SNTG1: variants seen among roughly 807,000 people sequenced by gnomAD.
The protein encoded by SNTG1 is gamma-1-syntrophin.
A neutral mutation model predicts 74.7 loss-of-function variants in SNTG1; 39 were observed. That is an observed-to-expected ratio of 0.52 (90% CI 0.40 to 0.68). The LOEUF is 0.68. Ranked by LOEUF, SNTG1 falls within the 30% of genes least tolerant of loss-of-function variation. SNTG1 has a pLI of 0.00. For missense variants in SNTG1, 685 were observed against 609.5 expected, an observed-to-expected ratio of 1.12 and a Z score of -1.30; for synonymous variants, 254 against 217.1, an observed-to-expected ratio of 1.17 and a Z score of -1.49.
In SNTG1 at chr8:50,120,489, C is replaced by T. The variant is rs1169532027; in HGVS notation, c.-102-52072C>T. On this transcript the variant is annotated intron_variant, in intron 1 of 18. Coordinates refer to ENST00000642720, the MANE Select transcript of SNTG1 (RefSeq NM_018967.5). ...TTACTACCATTACTACTGCCACTAA[C>T]ACTATCCAACATTACTGCAATCACC... 2.9e-5 allele frequency among the ~76,000 whole-genome samples: 4 copies of T among 140,296 alleles called. 1 individual carries two copies. Among genetic ancestry groups the T allele is most frequent in the African/African-American group, 5.2e-5 (2 of 38,750 alleles). The allele number at this position is 140,296 out of a possible 152,430, so 92.0% of individuals were successfully genotyped here.
At chr8:50,765,615 G>A (rs1247746785) in intron 18 of SNTG1, among the ~76,000 whole-genome samples, 1 of 151,912 alleles carries the variant, frequency 6.6e-6, no homozygotes, top group Non-Finnish European at 1.5e-5. Flanking sequence ...ATAGTACTAT[G>A]TTTATTTTTA....
chr8:50,345,610 TA>T (rs1164969826), intron 2 of SNTG1, among the ~76,000 whole-genome samples: 1 of 152,242 alleles, frequency 6.6e-6, no homozygotes, highest in Non-Finnish European at 1.5e-5. Flanking sequence ...TCAACTGCCA[TA>T]ATTGCATTAA....
intron 12 of SNTG1, among the ~76,000 whole-genome samples, chr8:50,564,894 T>C (rs2094507395): frequency 1.3e-5 from 2 of 152,114 alleles, no homozygotes; most frequent in Non-Finnish European, 2.9e-5. Context: ...TTAATGTGTA[T>C]AGCAATCTTC....
intron 2 of SNTG1, among the ~76,000 whole-genome samples, chr8:50,331,387 T>G (rs756092947): frequency 6.6e-6 from 1 of 152,130 alleles, no homozygotes; most frequent in African/African-American, 2.4e-5. Flanking sequence ...CAAAACGATC[T>G]TTAATTAGTG....
At chr8:49,923,201 G>A (rs1041803460) in intron 1 of SNTG1, among the ~76,000 whole-genome samples, 2 of 151,994 alleles carry the variant, frequency 1.3e-5, no homozygotes, top group Middle Eastern at 3.2e-3. Flanking sequence ...TCATGCTTAC[G>A]AATGGATAAA....
chr8:50,159,137 T>C (rs1009514306), intron 1 of SNTG1, among the ~76,000 whole-genome samples: 1 of 152,054 alleles, frequency 6.6e-6, no homozygotes, highest in African/African-American at 2.4e-5. Flanking sequence ...TGGCTCCATG[T>C]TTATATTGGA....
intron 1 of SNTG1, among the ~76,000 whole-genome samples, chr8:50,007,601 G>A (rs965223613): frequency 2.0e-5 from 3 of 152,120 alleles, no homozygotes; most frequent in South Asian, 2.1e-4. Context: ...AGTTGTATGC[G>A]TTGGTTTCAG....
rs541289516 is a variant in SNTG1, at chr8:50,358,487, G to C, written c.-27-35725G>C. Reference sequence around the variant, plus strand: ...AAAATCACATAAAGTGGGATGGATGGCCTTGGACACAATTAGTCCAGGACC... The same window carrying C: ...AAAATCACATAAAGTGGGATGGATGCCCTTGGACACAATTAGTCCAGGACC... On this transcript the variant is annotated intron_variant, in intron 2 of 18. Transcript: ENST00000642720. Among the ~76,000 whole-genome samples the C allele has an allele frequency of 2.9e-4, 44 of 152,238 alleles. 1 individual carries two copies. The highest frequency in any genetic ancestry group is 9.9e-4 in the African/African-American group (41 of 41,548).
intron 2 of SNTG1, among the ~76,000 whole-genome samples, chr8:50,354,796 G>A (rs552936966): frequency 3.6e-4 from 55 of 152,210 alleles, no homozygotes; most frequent in African/African-American, 1.2e-3. Flanking sequence ...GGCTCACGTA[G>A]CTAAGGCAGA....
rs1364390171 is a variant in SNTG1 at position 49,942,001 on chromosome 8, A to G, written c.-103+29770A>G. 3.9e-5 allele frequency among the ~76,000 whole-genome samples: 6 copies of G among 152,212 alleles called. No homozygotes were observed. The East Asian group carries it at 1.2e-3, about 29-fold the overall frequency. On this transcript the variant is annotated intron_variant, in intron 1 of 18. Transcript: ENST00000642720. ...ATGAAAAGGTATACAATCTAGTGGC[A>G]TATATGAGAATGTACACAAATAATT...
intron 1 of SNTG1, among the ~76,000 whole-genome samples, chr8:50,134,915 T>G (rs2081424160): frequency 6.6e-6 from 1 of 152,156 alleles, no homozygotes; most frequent in Non-Finnish European, 1.5e-5. Flanking sequence ...CAGTCCTCTT[T>G]TATGTATTTA....
intron 13 of SNTG1, among the ~76,000 whole-genome samples, chr8:50,616,591 CA>C (rs944262151): frequency 9.2e-5 from 14 of 152,320 alleles, no homozygotes; most frequent in African/African-American, 3.4e-4. Flanking sequence ...TGGATGAGAA[CA>C]ACCAAGTCCT....
At chr8:49,967,267 G>T (rs1450626587) in intron 1 of SNTG1, among the ~76,000 whole-genome samples, 2 of 152,168 alleles carry the variant, frequency 1.3e-5, no homozygotes, top group Non-Finnish European at 2.9e-5. Flanking sequence ...GTCTGGCTTT[G>T]GAGTCTGTCC....
At chr8:50,232,502 G>A (rs1386351682) in intron 2 of SNTG1, among the ~76,000 whole-genome samples, 1 of 151,430 alleles carries the variant, frequency 6.6e-6, no homozygotes, top group Non-Finnish European at 1.5e-5. Context: ...TGGTGAAAGA[G>A]TGAATCTTTA....
intron 2 of SNTG1, among the ~76,000 whole-genome samples, chr8:50,311,539 C>T (rs1386266784): frequency 9.9e-5 from 15 of 152,108 alleles, no homozygotes; most frequent in African/African-American, 3.1e-4. Flanking sequence ...TACATACAAA[C>T]GTCTTATTCT....
intron 1 of SNTG1, among the ~76,000 whole-genome samples, chr8:49,939,179 T>A (rs1174857313): frequency 6.6e-6 from 1 of 152,198 alleles, no homozygotes; most frequent in East Asian, 1.9e-4. Flanking sequence ...AAATTTCTGT[T>A]CTCTAACATT....
intron 8 of SNTG1, among the ~76,000 whole-genome samples, chr8:50,455,767 A>G (rs774037014): frequency 2.0e-5 from 3 of 152,208 alleles, no homozygotes; most frequent in Non-Finnish European, 4.4e-5. Flanking sequence ...ACCAAGGAAC[A>G]TATTTAGCAT....
intron 12 of SNTG1, among the ~76,000 whole-genome samples, chr8:50,572,320 A>G (rs1353544425): frequency 1.3e-5 from 2 of 151,710 alleles, no homozygotes; most frequent in East Asian, 1.9e-4. Context: ...TGGTGAATTC[A>G]TGCAAAAATG....
At chr8:50,097,498 G>T (rs532300202) in intron 1 of SNTG1, among the ~76,000 whole-genome samples, 1 of 152,176 alleles carries the variant, frequency 6.6e-6, no homozygotes, top group Admixed American at 6.5e-5. Context: ...TTGAAACTAA[G>T]GAGAGAGGCC....
Sources: gnomAD v4.1 joint callset for allele counts (sites outside exome capture counted in the v4.1 genomes callset) on GRCh38, gnomAD v4.1.1 for gene constraint, MANE v1.5 for transcripts, NCBI Gene and HGNC (gene_info 2026-07-23, HGNC 2026-07-21) for gene names.